DEPDC1: variants seen among roughly 807,000 people sequenced by gnomAD.
DEPDC1 encodes the protein DEP domain containing 1.
DEPDC1 carries 66 observed loss-of-function variants against 86.8 expected under a neutral mutation model. That is an observed-to-expected ratio of 0.76 (90% CI 0.62 to 0.93). The LOEUF (loss-of-function observed/expected upper bound fraction) is 0.93. Among genes scored for constraint, DEPDC1 ranks in the 40% least tolerant of loss-of-function variants. The pLI, the probability that DEPDC1 is intolerant of heterozygous loss-of-function variation, is 0.00. For synonymous variants in DEPDC1, 255 were observed against 314.9 expected, an observed-to-expected ratio of 0.81 and a Z score of 2.02; for missense variants, 792 against 935.7, an observed-to-expected ratio of 0.85 and a Z score of 2.00.
In DEPDC1 at chr1:68,474,864, A is replaced by AAGAT. The variant is rs754444622; in HGVS notation, c.*2064_*2067dup. The AAGAT allele has an allele frequency of 6.6e-6, 1 of 152,178 alleles. No individual in the cohort carries two copies. Among genetic ancestry groups the AAGAT allele is most frequent in the Admixed American group, 6.6e-5 (1 of 15,260 alleles). The allele number at this position is 152,178 out of a possible 1,614,324, so 9.4% of individuals were successfully genotyped here. A position where few individuals can be genotyped will look rare whatever the true frequency, so the allele number is the denominator to read the frequency against. On this transcript the variant is annotated 3_prime_UTR_variant, in exon 12 of 12. Coordinates refer to ENST00000456315, the MANE Select transcript of DEPDC1 (RefSeq NM_001114120.3). ...ATCAGAACCTTTGTCTCATAATGAA[A>AAGAT]AGATAGTTAATAAGGCTCATCAATT...
At chr1:68,480,975 A>G (rs141258949) in intron 9 of DEPDC1, among the ~76,000 whole-genome samples, 2 of 152,126 alleles carry the variant, frequency 1.3e-5, no homozygotes, top group South Asian at 2.1e-4. Context: ...CTGTTTGGCA[A>G]TAGTGCTTCC....
chr1:68,491,762 T>C (rs762314060), intron 2 of DEPDC1, among the ~76,000 whole-genome samples: 2 of 152,086 alleles, frequency 1.3e-5, no homozygotes, highest in African/African-American at 2.4e-5. Flanking sequence ...ATCATATCTT[T>C]TACCATATAT....
In DEPDC1 at chr1:68,479,160, T is replaced by C. The variant is rs139044467; in HGVS notation, c.2096A>G (p.Tyr699Cys). Residue 699 changes from tyrosine (Y) to cysteine (C), a missense_variant, in exon 10 of 12, where the codon TAC (tyrosine) becomes TGC (cysteine). By Grantham distance (194) the Tyr-to-Cys change is radical (BLOSUM62 -2). Coordinates refer to ENST00000456315, the MANE Select transcript of DEPDC1 (RefSeq NM_001114120.3). The stretch of plus-strand genomic sequence containing the variant: ...AATACTTACATGTCCCTTTTTTAAG[T>C]AGTCAAGATGTTTTTCCACTGCAGT... Reference protein sequence around the residue: ...LQTAVEKHLDYLKKGHIENPG... With the variant: ...LQTAVEKHLDCLKKGHIENPG... 6.0e-5 allele frequency: 97 copies of C among 1,608,172 alleles called. No individual in the cohort carries two copies. In the African/African-American group the frequency reaches 1.2e-3, roughly 19 times the overall value.
chr1:68,491,571 G>A (rs1646228812), intron 2 of DEPDC1, among the ~76,000 whole-genome samples: 1 of 152,008 alleles, frequency 6.6e-6, no homozygotes, highest in African/African-American at 2.4e-5. Flanking sequence ...TGGTGGGAGT[G>A]TAAATAACTC....
chr1:68,491,759 C>G (rs1646229940), intron 2 of DEPDC1, among the ~76,000 whole-genome samples: 1 of 151,750 alleles, frequency 6.6e-6, no homozygotes, highest in East Asian at 1.9e-4. Context: ...TTTATCATAT[C>G]TTTTACCATA....
At chr1:68,494,111 A>G (rs1464579583) in intron 2 of DEPDC1, among the ~76,000 whole-genome samples, 2 of 152,230 alleles carry the variant, frequency 1.3e-5, no homozygotes, top group East Asian at 3.8e-4. Flanking sequence ...TAATCTAGAA[A>G]CTATGCAACT....
rs759619559 is a variant in DEPDC1, at chr1:68,484,002, G to A, written c.858C>T (p.Leu286=). The stretch of plus-strand genomic sequence containing the variant: ...ATTCAAAAGTAAGTAGAGGTTCAGG[G>A]AGATCTAGAAAATAATCTGCGATTG... The part of the protein sequence containing the change: ...FRTIADYFLD[L]PEPLLTFEYY... The change falls in exon 7 of 12, where the codon CTC becomes CTT. Residue 286 remains leucine (L), a synonymous_variant. Transcript: ENST00000456315. The A allele has an allele frequency of 6.4e-7, 1 of 1,571,802 alleles. No homozygotes were observed. The highest frequency in any genetic ancestry group is 8.7e-7 in the Non-Finnish European group (1 of 1,154,316).
At chr1:68,491,164 A>G (rs1398228961) in intron 2 of DEPDC1, among the ~76,000 whole-genome samples, 3 of 152,206 alleles carry the variant, frequency 2.0e-5, no homozygotes, top group Non-Finnish European at 4.4e-5. Context: ...CAGTTGCAAC[A>G]AAAGCAAAAA....
At chr1:68,484,172 G>T in intron 6 of DEPDC1, 82 bp from the exon 7 acceptor site, 1 of 1,128,844 alleles carries the variant, frequency 8.9e-7, no homozygotes, top group Non-Finnish European at 1.2e-6. Flanking sequence ...TATAAAATCT[G>T]TATTTCATGA....
chr1:68,487,562 A>G (rs553746281), intron 5 of DEPDC1, among the ~76,000 whole-genome samples: 86 of 152,094 alleles, frequency 5.7e-4, no homozygotes, highest in Admixed American at 1.1e-3. Context: ...TAACCATATT[A>G]TTTTAGGTAA....
rs770469014 is a variant in DEPDC1, at chr1:68,489,074, A to C, written c.472-40T>G. On this transcript the variant is annotated intron_variant, in intron 3 of 11. Coordinates refer to ENST00000456315, the MANE Select transcript of DEPDC1 (RefSeq NM_001114120.3). The stretch of plus-strand genomic sequence containing the variant: ...ATTTTGGTTTAATCTGTTATGCTCA[A>C]ATTTTTTAAATATTGAAAGCAACAA... 4.1e-6 allele frequency: 5 copies of C among 1,225,362 alleles called. No individual in the cohort carries two copies. In the South Asian group the frequency reaches 6.2e-5, roughly 15 times the overall value. 75.9% of individuals were successfully genotyped at this position (1,225,362 alleles called of 1,614,324 possible). A position where few individuals can be genotyped will look rare whatever the true frequency, so the allele number is the denominator to read the frequency against.
intron 6 of DEPDC1, 59 bp downstream of exon 6, chr1:68,486,876 AAT>A: frequency 1.5e-6 from 2 of 1,311,014 alleles, no homozygotes; most frequent in Non-Finnish European, 9.8e-7. Flanking sequence ...AAATACTATC[AAT>A]ATAACACACA....
rs1415666411 is a variant in DEPDC1, at chr1:68,497,017, G to C, written c.-18C>G. 1 of 1,610,912 alleles carries C rather than the reference G, an allele frequency of 6.2e-7. No individual in the cohort carries two copies. Among genetic ancestry groups the C allele is most frequent in the East Asian group, 2.2e-5 (1 of 44,680 alleles). ...CTCTCCATAGGTCTGTCAGCGCCCG[G>C]TGGCGTCCATGGCGGCGAAGGCGAC... is the stretch of plus-strand genomic sequence containing the variant. On this transcript the variant is annotated 5_prime_UTR_variant, in exon 1 of 12. Coordinates refer to ENST00000456315, the MANE Select transcript of DEPDC1 (RefSeq NM_001114120.3).
At chr1:68,488,029 C>T (rs993201050) in intron 5 of DEPDC1, among the ~76,000 whole-genome samples, 1 of 151,830 alleles carries the variant, frequency 6.6e-6, no homozygotes. Context: ...TTCTATCTTA[C>T]TTATCATTAA....
chr1:68,494,336 C>A (rs1646248948), intron 2 of DEPDC1, 94 bp downstream of exon 2: 3 of 1,170,342 alleles, frequency 2.6e-6, no homozygotes, highest in East Asian at 5.2e-5. Flanking sequence ...AATAAAACTT[C>A]TTTGAAGAAG....
chr1:68,494,844 T>C, intron 1 of DEPDC1, 149 bp from the exon 2 acceptor site: 1 of 763,708 alleles, frequency 1.3e-6, no homozygotes, highest in East Asian at 2.7e-5. Context: ...ATTTGTGCCA[T>C]ATAAAATTTT....
At position 68,496,834 on chromosome 1, in the gene DEPDC1, G is replaced by A; in HGVS notation, c.48+118C>T. ...TCGCCAGCCTTTTCACTGAACCTAG[G>A]GATCCTGGGACTCATCCCTCCGACC... On this transcript the variant is annotated intron_variant, in intron 1 of 11. Transcript: ENST00000456315. The surrounding 1 kb of genome is among the most constrained non-coding windows in gnomAD (Gnocchi z 4.0). 1 of 971,632 alleles carries A rather than the reference G, an allele frequency of 1.0e-6. No homozygotes were observed. Among genetic ancestry groups the A allele is most frequent in the East Asian group, 2.6e-5 (1 of 38,342 alleles). The allele number at this position is 971,632 out of a possible 1,614,324, so 60.2% of individuals were successfully genotyped here.
Position 68,482,436 on chromosome 1 carries a change from C to A in DEPDC1, c.1372G>T (p.Glu458Ter). Residue 458 changes from glutamate (E) to a stop codon, truncating the protein, a stop_gained, in exon 8 of 12, where the codon GAG becomes TAG. Coordinates refer to ENST00000456315, the MANE Select transcript of DEPDC1 (RefSeq NM_001114120.3). LOFTEE classifies it high-confidence loss of function. ...IEGQNNKLFL[E>*]SKPKQEFLLN... ...AGGAATTCCTGTTTGGGCTTAGACTCTAAAAACAGTTTATTATTTTGTCCT... is the reference window on the plus strand; with the variant it reads ...AGGAATTCCTGTTTGGGCTTAGACTATAAAAACAGTTTATTATTTTGTCCT... 1.9e-6 allele frequency: 3 copies of A among 1,612,840 alleles called. No individual in the cohort carries two copies. Among genetic ancestry groups the A allele is most frequent in the Non-Finnish European group, 2.5e-6 (3 of 1,179,252 alleles).
rs761713925 is a variant in DEPDC1 at position 68,477,803 on chromosome 1, C to T, written c.2282G>A (p.Arg761Lys). The T allele has an allele frequency of 2.0e-6, 3 of 1,509,142 alleles. No homozygotes were observed. The highest frequency in any genetic ancestry group is 2.8e-5 in the South Asian group (2 of 70,644). The allele number at this position is 1,509,142 out of a possible 1,614,324, so 93.5% of individuals were successfully genotyped here. ...KNRSLPLKEK[R>K]KKLKQFQKEY... ...TTCTCTTACCTGTTTTAGTTTTTTTCTTTTCTCCTTTAGAGGTAAACTCCT... is the reference window on the plus strand; with the variant it reads ...TTCTCTTACCTGTTTTAGTTTTTTTTTTTTCTCCTTTAGAGGTAAACTCCT... The change falls in exon 11 of 12, where the codon AGA (arginine) becomes AAA (lysine). Residue 761 changes from arginine to lysine, a missense_variant. Arg to Lys is a conservative substitution (Grantham distance 26). Coordinates refer to ENST00000456315, the MANE Select transcript of DEPDC1 (RefSeq NM_001114120.3).
Sources: allele counts gnomAD v4.1 joint callset (sites outside exome capture counted in the v4.1 genomes callset), GRCh38; gene constraint gnomAD v4.1.1; non-coding constraint Gnocchi (gnomAD v3.1); transcripts MANE v1.5; gene names NCBI Gene and HGNC (gene_info 2026-07-23, HGNC 2026-07-21).